Variants in SLC31A1 observed in about 807,000 individuals in gnomAD.
SLC31A1 encodes the protein solute carrier family 31 member 1, also known as high affinity copper uptake protein 1.
In SLC31A1, 5 loss-of-function variants were observed where a neutral mutation model predicts 17.2. The ratio of observed to expected loss-of-function variants is 0.29; its 90% CI spans 0.15 to 0.61. The LOEUF is 0.61. SLC31A1 is among the 20% of genes least tolerant of loss of function. The pLI, the probability that SLC31A1 is intolerant of heterozygous loss-of-function variation, is 0.86. For synonymous variants in SLC31A1, 76 were observed against 78.8 expected (o/e 0.96, Z 0.19); for missense variants, 161 against 241.4 (o/e 0.67, Z 2.21).
intron 1 of SLC31A1, among the ~76,000 whole-genome samples, chr9:113,237,524 A>C (rs111595933): frequency 3.4e-4 from 52 of 152,118 alleles, no homozygotes; most frequent in African/African-American, 1.1e-3. Flanking sequence ...TGATGTTGAG[A>C]GACTAGGAAC....
At chr9:113,227,063 G>C (rs970479437) in intron 1 of SLC31A1, among the ~76,000 whole-genome samples, 1 of 151,842 alleles carries the variant, frequency 6.6e-6, no homozygotes, top group Non-Finnish European at 1.5e-5. Context: ...GTTTCATCAT[G>C]GTACCTTCAT....
At chr9:113,257,274 C>G in intron 3 of SLC31A1, 89 bp downstream of exon 3, 1 of 1,074,726 alleles carries the variant, frequency 9.3e-7, no homozygotes, top group Non-Finnish European at 1.4e-6. Context: ...TCTTTCTGTC[C>G]TAATTACTAA....
intron 1 of SLC31A1, among the ~76,000 whole-genome samples, chr9:113,242,099 G>A (rs1239305378): frequency 6.6e-6 from 1 of 152,146 alleles, no homozygotes; most frequent in Non-Finnish European, 1.5e-5. Context: ...TGAGGCAGGA[G>A]AATGGTGTGA....
At chr9:113,238,018 G>A (rs1831481760) in intron 1 of SLC31A1, among the ~76,000 whole-genome samples, 1 of 152,128 alleles carries the variant, frequency 6.6e-6, no homozygotes, top group Non-Finnish European at 1.5e-5. Context: ...TAATAATAAG[G>A]CTTTTACATA....
In SLC31A1 at chr9:113,262,520, G is replaced by A. The variant is rs927646220; in HGVS notation, c.*2047G>A. 6.6e-6 allele frequency: 1 copy of A among 152,550 alleles called. No individual in the cohort carries two copies. The highest frequency in any genetic ancestry group is 2.4e-5 in the African/African-American group (1 of 41,412). The allele number at this position is 152,550 out of a possible 1,614,324, so 9.4% of individuals were successfully genotyped here. A position where few individuals can be genotyped will look rare whatever the true frequency, so the allele number is the denominator to read the frequency against. On this transcript the variant is annotated 3_prime_UTR_variant, in exon 5 of 5. Coordinates refer to ENST00000374212, the MANE Select transcript of SLC31A1 (RefSeq NM_001859.4). The stretch of plus-strand genomic sequence containing the variant: ...TTTGAAGTTTGTACTTTCTCTGTGG[G>A]TGCCAGTTAAATATTGGAGAGCAAG...
intron 1 of SLC31A1, among the ~76,000 whole-genome samples, chr9:113,231,095 C>T (rs1385922030): frequency 2.0e-5 from 3 of 152,112 alleles, no homozygotes; most frequent in Non-Finnish European, 4.4e-5. Flanking sequence ...CTTCCTTTTC[C>T]CTGCTCAGCC....
At chr9:113,249,815 C>A in intron 1 of SLC31A1, among the ~76,000 whole-genome samples, 1 of 151,426 alleles carries the variant, frequency 6.6e-6, no homozygotes. Context: ...ACAATGAACT[C>A]AAACAAATTT....
At chr9:113,227,760 A>G (rs994963857) in intron 1 of SLC31A1, 1 of 152,246 alleles carries the variant, frequency 6.6e-6, no homozygotes, top group South Asian at 2.1e-4. Context: ...ATGCTATGTA[A>G]TATAACTAAA....
intron 1 of SLC31A1, among the ~76,000 whole-genome samples, chr9:113,238,446 T>C (rs1352556517): frequency 6.6e-6 from 1 of 152,214 alleles, no homozygotes; most frequent in Non-Finnish European, 1.5e-5. Context: ...GTTTTCACTA[T>C]GTCTAAAGCA....
intron 1 of SLC31A1, among the ~76,000 whole-genome samples, chr9:113,233,975 G>A (rs1831426842): frequency 6.6e-6 from 1 of 152,044 alleles, no homozygotes; most frequent in South Asian, 2.1e-4. Context: ...GTTGACTATA[G>A]TCACCCTTCT....
chr9:113,254,194 T>A (rs912508797), intron 1 of SLC31A1, among the ~76,000 whole-genome samples: 2 of 151,894 alleles, frequency 1.3e-5, no homozygotes, highest in Admixed American at 1.3e-4. Context: ...CCTCAAGTGA[T>A]CTGCCTGCCT....
chr9:113,240,196 A>C (rs1177643907), intron 1 of SLC31A1, among the ~76,000 whole-genome samples: 1 of 152,066 alleles, frequency 6.6e-6, no homozygotes, highest in African/African-American at 2.4e-5. Flanking sequence ...AATTATACCT[A>C]CCTATATATA....
chr9:113,244,635 G>A (rs1332104018), intron 1 of SLC31A1, among the ~76,000 whole-genome samples: 1 of 152,176 alleles, frequency 6.6e-6, no homozygotes, highest in Non-Finnish European at 1.5e-5. Flanking sequence ...AGAAAAGCAA[G>A]TAAGAATTTA....
At chr9:113,223,846 G>A (rs1294127482) in intron 1 of SLC31A1, among the ~76,000 whole-genome samples, 1 of 152,154 alleles carries the variant, frequency 6.6e-6, no homozygotes, top group Non-Finnish European at 1.5e-5. Flanking sequence ...AGTTATATCA[G>A]GCATAATGAT....
At chr9:113,241,521 G>A (rs1831520941) in intron 1 of SLC31A1, among the ~76,000 whole-genome samples, 1 of 152,170 alleles carries the variant, frequency 6.6e-6, no homozygotes, top group South Asian at 2.1e-4. Flanking sequence ...TATAGAATTT[G>A]TGTATTACTG....
intron 1 of SLC31A1, among the ~76,000 whole-genome samples, chr9:113,234,748 C>T (rs551605029): frequency 6.6e-6 from 1 of 151,968 alleles, no homozygotes; most frequent in East Asian, 1.9e-4. Flanking sequence ...TCCAGGTGGT[C>T]CTTGGACCAC....
chr9:113,260,717 C>T lies in SLC31A1; in HGVS notation c.*244C>T, dbSNP rs149617740. ...ATTCCCATTTCTCTTAAGGAGAAGC[C>T]ACCCATGAGATGTCTTTTCCTTCTC... is the stretch of plus-strand genomic sequence containing the variant. On this transcript the variant is annotated 3_prime_UTR_variant, in exon 5 of 5. Transcript: ENST00000374212. 0.011 allele frequency: 5,795 copies of T among 536,108 alleles called. 50 individuals are homozygous for T. The highest frequency in any genetic ancestry group is 0.014 in the Non-Finnish European group (4,222 of 293,494). The allele number at this position is 536,108 out of a possible 1,614,324, so 33.2% of individuals were successfully genotyped here. A position where few individuals can be genotyped will look rare whatever the true frequency, so the allele number is the denominator to read the frequency against.
At chr9:113,236,769 A>AT (rs1188868431) in intron 1 of SLC31A1, among the ~76,000 whole-genome samples, 1 of 152,256 alleles carries the variant, frequency 6.6e-6, no homozygotes, top group Non-Finnish European at 1.5e-5. Context: ...GAAAGGCTAA[A>AT]TTACCTAATG....
intron 1 of SLC31A1, among the ~76,000 whole-genome samples, chr9:113,232,999 TAGACACTGTGCTTAAGTA>T (rs1831417770): frequency 6.6e-6 from 1 of 152,354 alleles, no homozygotes; most frequent in African/African-American, 2.4e-5. Context: ...TTCCTGTGTT[TAGACACTGTGCTTAAGTA>T]AGTGTTTAAG....
Sources: allele counts gnomAD v4.1 joint callset (sites outside exome capture counted in the v4.1 genomes callset), GRCh38; gene constraint gnomAD v4.1.1; transcripts MANE v1.5; gene names NCBI Gene and HGNC (gene_info 2026-07-23, HGNC 2026-07-21).